The following PDZRN4 variants were observed in gnomAD, a reference collection of about 807,000 sequenced individuals.
PDZRN4 encodes the protein PDZ domain containing ring finger 4, also known as PDZ domain-containing RING finger protein 4.
Under a neutral mutation model 99.0 loss-of-function variants are expected in PDZRN4, and 70 were observed. The ratio of observed to expected loss-of-function variants is 0.71; its 90% CI spans 0.58 to 0.86. The LOEUF (loss-of-function observed/expected upper bound fraction) is 0.86, where lower values mean the gene tolerates loss of function less well. Ranked by LOEUF, PDZRN4 falls within the 40% of genes least tolerant of loss-of-function variation. The pLI is 0.00. For synonymous variants in PDZRN4, 551 were observed against 501.6 expected, an observed-to-expected ratio of 1.10 and a Z score of -1.32; for missense variants, 1,474 against 1,331.2, an observed-to-expected ratio of 1.11 and a Z score of -1.67.
At chr12:41,493,094 T>G (rs903639655) in intron 3 of PDZRN4, among the ~76,000 whole-genome samples, 1 of 152,218 alleles carries the variant, frequency 6.6e-6, no homozygotes, top group Non-Finnish European at 1.5e-5. Context: ...CCGATGATTC[T>G]TCTAGTACTT....
chr12:41,196,527 T>C (rs1427108139), intron 3 of PDZRN4, among the ~76,000 whole-genome samples: 3 of 152,124 alleles, frequency 2.0e-5, no homozygotes, highest in Non-Finnish European at 4.4e-5. Flanking sequence ...AGAAATAAAT[T>C]GCTCTTGCTT....
chr12:41,539,025 A>G (rs1252420519), intron 5 of PDZRN4, among the ~76,000 whole-genome samples: 8 of 152,092 alleles, frequency 5.3e-5, no homozygotes, highest in Non-Finnish European at 1.0e-4. Flanking sequence ...TCCAGGAGGT[A>G]CAGGCAACTA....
rs1939532056 is a variant in PDZRN4, at chr12:41,573,903, A to G, written c.*13A>G. 4 of 1,513,152 alleles carry G rather than the reference A, an allele frequency of 2.6e-6. No homozygotes were observed. 93.7% of individuals were successfully genotyped at this position (1,513,152 alleles called of 1,614,324 possible). A position where few individuals can be genotyped will look rare whatever the true frequency, so the allele number is the denominator to read the frequency against. On this transcript the variant is annotated 3_prime_UTR_variant, in exon 10 of 10. Transcript: ENST00000402685. ...GACCACTGTATGACCGAATGAATGG[A>G]ATGCATGCGACTGATTTTAGGAGGA...
chr12:41,409,409 A>T (rs1408334889), intron 3 of PDZRN4: 1 of 152,200 alleles, frequency 6.6e-6, no homozygotes, highest in Non-Finnish European at 1.5e-5. Context: ...GAAAAAGATA[A>T]GTAGACAGAG....
chr12:41,556,810 G>T (rs985839152), intron 7 of PDZRN4, among the ~76,000 whole-genome samples: 7 of 152,150 alleles, frequency 4.6e-5, no homozygotes, highest in Admixed American at 3.9e-4. Flanking sequence ...TCCTAAACCT[G>T]CCTTCACCTG....
chr12:41,484,004 T>C (rs893079330), intron 3 of PDZRN4, among the ~76,000 whole-genome samples: 1 of 152,196 alleles, frequency 6.6e-6, no homozygotes, highest in African/African-American at 2.4e-5. Context: ...ATCATACATT[T>C]TTCAAATACC....
At chr12:41,286,156 C>T (rs540815727) in intron 3 of PDZRN4, among the ~76,000 whole-genome samples, 69 of 151,986 alleles carry the variant, frequency 4.5e-4, no homozygotes, top group African/African-American at 1.6e-3. Context: ...GGAGACTATT[C>T]TGCCTAAAAT....
At chr12:41,203,100 A>G (rs2120670341) in intron 3 of PDZRN4, among the ~76,000 whole-genome samples, 1 of 152,146 alleles carries the variant, frequency 6.6e-6, no homozygotes, top group East Asian at 1.9e-4. Context: ...GTACATAAAC[A>G]CATATTTAAA....
chr12:41,530,029 A>G (rs1938634840), intron 5 of PDZRN4, among the ~76,000 whole-genome samples: 1 of 152,222 alleles, frequency 6.6e-6, no homozygotes. Flanking sequence ...GGTGCTATCA[A>G]GAGTTGAAAT....
At chr12:41,354,944 A>G (rs766148709) in intron 3 of PDZRN4, among the ~76,000 whole-genome samples, 1 of 152,070 alleles carries the variant, frequency 6.6e-6, no homozygotes, top group Non-Finnish European at 1.5e-5. Context: ...TGTTACTGTA[A>G]TGCAGTGGAA....
rs190034857 is a variant in PDZRN4 at position 41,495,974 on chromosome 12, C to A, written c.844-10482C>A. 4.0e-4 allele frequency among the ~76,000 whole-genome samples: 61 copies of A among 152,180 alleles called. 1 individual carries two copies. The highest frequency in any genetic ancestry group is 8.1e-4 in the Non-Finnish European group (55 of 68,000). On this transcript the variant is annotated intron_variant, in intron 3 of 9. Transcript: ENST00000402685. Reference sequence around the variant, plus strand: ...TTGTGCTCTTGCAGAGCTGTTAATACCTTCCTTTCAGCTTTTTATGAGTTT... The same window carrying A: ...TTGTGCTCTTGCAGAGCTGTTAATAACTTCCTTTCAGCTTTTTATGAGTTT...
intron 3 of PDZRN4, among the ~76,000 whole-genome samples, chr12:41,268,532 T>C (rs1415819878): frequency 6.6e-6 from 1 of 152,214 alleles, no homozygotes; most frequent in East Asian, 1.9e-4. Flanking sequence ...CTTTTTAACA[T>C]GGTCTCATTA....
chr12:41,329,789 G>A (rs902770748), intron 3 of PDZRN4, among the ~76,000 whole-genome samples: 6 of 151,998 alleles, frequency 3.9e-5, no homozygotes, highest in African/African-American at 1.4e-4. Flanking sequence ...CTAAATTTAT[G>A]AGAAAATATA....
chr12:41,223,161 TC>T (rs1566372107), intron 3 of PDZRN4, among the ~76,000 whole-genome samples: 1 of 152,154 alleles, frequency 6.6e-6, no homozygotes, highest in Non-Finnish European at 1.5e-5. Context: ...CTTCTTAGAC[TC>T]TATGAGAAGC....
chr12:41,297,472 G>A, intron 3 of PDZRN4, among the ~76,000 whole-genome samples: 1 of 152,080 alleles, frequency 6.6e-6, no homozygotes, highest in East Asian at 1.9e-4. Flanking sequence ...CTGGTGCTGT[G>A]ACTTTTTACA....
intron 3 of PDZRN4, among the ~76,000 whole-genome samples, chr12:41,404,238 G>A (rs557335912): frequency 3.3e-5 from 5 of 151,990 alleles, no homozygotes; most frequent in East Asian, 1.9e-4. Flanking sequence ...CCATGGATTC[G>A]GAAGACCAAC....
At chr12:41,196,416 A>G (rs1421885649) in intron 3 of PDZRN4, among the ~76,000 whole-genome samples, 2 of 152,124 alleles carry the variant, frequency 1.3e-5, no homozygotes, top group African/African-American at 4.8e-5. Flanking sequence ...AGAATGGATC[A>G]ATGTGACCAC....
rs959507537 is a variant in PDZRN4, at chr12:41,573,995, T to C, written c.*105T>C. Reference sequence around the variant, plus strand: ...GGCGTTTTTATATATATTTTGTGACTCTTTATAGTTTAAATTTTTTGTAAG... The same window carrying C: ...GGCGTTTTTATATATATTTTGTGACCCTTTATAGTTTAAATTTTTTGTAAG... On this transcript the variant is annotated 3_prime_UTR_variant, in exon 10 of 10. Transcript: ENST00000402685. 2.7e-6 allele frequency: 2 copies of C among 738,464 alleles called. No homozygotes were observed. The highest frequency in any genetic ancestry group is 4.0e-6 in the Non-Finnish European group (2 of 494,500). The allele number at this position is 738,464 out of a possible 1,614,324, so 45.7% of individuals were successfully genotyped here.
At chr12:41,250,164 G>A (rs898463284) in intron 3 of PDZRN4, among the ~76,000 whole-genome samples, 1 of 152,158 alleles carries the variant, frequency 6.6e-6, no homozygotes, top group Non-Finnish European at 1.5e-5. Context: ...GACCACTCCA[G>A]ACTCTCAAAG....
Sources: gnomAD v4.1 joint callset for allele counts (sites outside exome capture counted in the v4.1 genomes callset) on GRCh38, gnomAD v4.1.1 for gene constraint, MANE v1.5 for transcripts, NCBI Gene and HGNC (gene_info 2026-07-23, HGNC 2026-07-21) for gene names.